Variants in SRFBP1 observed in about 807,000 individuals in gnomAD.
The protein encoded by SRFBP1 is serum response factor-binding protein 1.
Under a neutral mutation model 45.5 loss-of-function variants are expected in SRFBP1, and 47 were observed. The observed-to-expected ratio is 1.03, with a 90% CI of 0.82 to 1.32. The LOEUF is 1.32. Among genes scored for constraint, SRFBP1 ranks in the 40% most tolerant of loss-of-function variants. The pLI, the probability that SRFBP1 is intolerant of heterozygous loss-of-function variation, is 0.00. For synonymous variants in SRFBP1, 203 were observed against 166.3 expected (o/e 1.22, Z -1.70); for missense variants, 621 against 484.6 (o/e 1.28, Z -2.64).
At chr5:122,050,653 G>A (rs550281442) in intron 2 of SRFBP1, among the ~76,000 whole-genome samples, 9 of 151,986 alleles carry the variant, frequency 5.9e-5, no homozygotes, top group African/African-American at 2.2e-4. Flanking sequence ...TTGTTTATTA[G>A]TCCAGCCAGT....
intron 4 of SRFBP1, among the ~76,000 whole-genome samples, chr5:122,011,205 G>A (rs1253319924): frequency 6.6e-6 from 1 of 151,652 alleles, no homozygotes; most frequent in Non-Finnish European, 1.5e-5. Context: ...TTTCATTTTT[G>A]GGTTATTTAC....
Position 121,998,097 on chromosome 5 carries a change from G to A in SRFBP1, c.270+3427G>A, listed in dbSNP as rs532092510. Among the ~76,000 whole-genome samples, 399 of 151,936 alleles carry A rather than the reference G, an allele frequency of 2.6e-3. 1 individual carries two copies. Among genetic ancestry groups the A allele is most frequent in the Admixed American group, 4.7e-3 (72 of 15,268 alleles). ...TAAACTTAGTTCAACCATTGTGGAAGTCAGTGTGGCGATTCCTCAGGGATC... is the reference window on the plus strand; with the variant it reads ...TAAACTTAGTTCAACCATTGTGGAAATCAGTGTGGCGATTCCTCAGGGATC... On this transcript the variant is annotated intron_variant, in intron 4 of 7. Transcript: ENST00000339397.
Position 122,048,710 on chromosome 5 carries a change from C to T in SRFBP1, n.311+26303C>T, listed in dbSNP as rs1448916341. Among the ~76,000 whole-genome samples, 4 of 152,120 alleles carry T rather than the reference C, an allele frequency of 2.6e-5. No individual in the cohort carries two copies. The East Asian group carries it at 7.7e-4, about 29-fold the overall frequency. The stretch of plus-strand genomic sequence containing the variant: ...TTGATTGGTAAGCTATTAATTATTG[C>T]CTCAATTTCAGAGCCTGTTATTGGT... On this transcript the variant is annotated intron_variant and non_coding_transcript_variant, in intron 2 of 2. Transcript: ENST00000504881.
At chr5:122,007,804 G>C (rs1753009330) in intron 4 of SRFBP1, among the ~76,000 whole-genome samples, 1 of 152,052 alleles carries the variant, frequency 6.6e-6, no homozygotes, top group African/African-American at 2.4e-5. Context: ...CTCTGCACGT[G>C]CCTGCCTGGT....
downstream of SRFBP1, chr5:122,078,191 C>A: frequency 2.2e-6 from 1 of 457,138 alleles, no homozygotes; most frequent in South Asian, 6.4e-5. Context: ...GCACCCTTCC[C>A]TTTCCCCTTT....
At chr5:121,967,764 G>C (rs757161302) in intron 1 of SRFBP1, among the ~76,000 whole-genome samples, 26 of 152,276 alleles carry the variant, frequency 1.7e-4, no homozygotes, top group South Asian at 4.1e-4. Context: ...GAGCCCGGGA[G>C]GGGGACGGAG....
chr5:121,992,888 G>A (rs1018971818), intron 3 of SRFBP1, among the ~76,000 whole-genome samples: 2 of 151,848 alleles, frequency 1.3e-5, no homozygotes, highest in African/African-American at 4.8e-5. Context: ...GTAAAACAGT[G>A]AATGAGCTTT....
intron 1 of SRFBP1, among the ~76,000 whole-genome samples, chr5:121,971,153 A>G (rs749881156): frequency 1.3e-5 from 2 of 152,052 alleles, no homozygotes; most frequent in Non-Finnish European, 2.9e-5. Context: ...GAGTTACTTA[A>G]AGGTACGACA....
chr5:122,077,096 C>T, downstream of SRFBP1: 3 of 1,533,122 alleles, frequency 2.0e-6, no homozygotes, highest in Non-Finnish European at 2.6e-6. The surrounding 1 kb of genome is among the most constrained non-coding windows in gnomAD (Gnocchi z 4.9). Context: ...CCTCACCCTT[C>T]GCCCACCGGG....
chr5:122,001,904 A>G (rs1049393001), intron 4 of SRFBP1, among the ~76,000 whole-genome samples: 2 of 152,194 alleles, frequency 1.3e-5, no homozygotes, highest in African/African-American at 4.8e-5. Flanking sequence ...AGTACAAGAA[A>G]ATATAAGAGA....
chr5:122,076,859 C>G (rs1285875894), downstream of SRFBP1: 4 of 1,593,710 alleles, frequency 2.5e-6, no homozygotes, highest in Non-Finnish European at 3.4e-6. Context: ...GAAGGTAGAC[C>G]GGGGAGCGGG....
At chr5:121,999,008 C>T (rs1752797167) in intron 4 of SRFBP1, among the ~76,000 whole-genome samples, 1 of 152,040 alleles carries the variant, frequency 6.6e-6, no homozygotes. Context: ...TTGATTTTTG[C>T]TCCATTCTAC....
chr5:122,070,213 C>G (rs1190356867), intron 2 of SRFBP1: 11 of 1,074,788 alleles, frequency 1.0e-5, no homozygotes, highest in Non-Finnish European at 1.3e-5. Context: ...TTCCATAGGG[C>G]TACAATAAGG....
chr5:122,028,156 T>C lies in SRFBP1; in HGVS notation c.*1030T>C, dbSNP rs890860170. ...TTAAATCCCTTCAAATGTTTCACTT[T>C]TGCTATGCTGGGAAAAATTTTGAAG... On this transcript the variant is annotated 3_prime_UTR_variant, in exon 8 of 8. Transcript: ENST00000339397. 2.6e-5 allele frequency: 4 copies of C among 152,224 alleles called. No homozygotes were observed. The highest frequency in any genetic ancestry group is 5.9e-5 in the Non-Finnish European group (4 of 68,030). 9.4% of individuals were successfully genotyped at this position (152,224 alleles called of 1,614,324 possible). A position where few individuals can be genotyped will look rare whatever the true frequency, so the allele number is the denominator to read the frequency against.
At chr5:121,966,085 G>C (rs533269622) in intron 1 of SRFBP1, among the ~76,000 whole-genome samples, 44 of 152,168 alleles carry the variant, frequency 2.9e-4, no homozygotes, top group Admixed American at 2.3e-3. Flanking sequence ...GGAGATTTGG[G>C]GCTGAAACAA....
At chr5:121,962,132 C>T in intron 1 of SRFBP1, 64 bp downstream of exon 1, 1 of 1,599,292 alleles carries the variant, frequency 6.3e-7, no homozygotes, top group Non-Finnish European at 8.6e-7. Flanking sequence ...TTTTGAGACG[C>T]GTGGTCGGAG....
chr5:121,977,532 G>T (rs1336688921), intron 3 of SRFBP1, among the ~76,000 whole-genome samples: 1 of 151,900 alleles, frequency 6.6e-6, no homozygotes, highest in Non-Finnish European at 1.5e-5. Context: ...TAATTAAAAG[G>T]TCATTTGTAA....
chr5:122,026,954 A>G lies in SRFBP1; in HGVS notation c.1118A>G (p.Asn373Ser), dbSNP rs1753493403. The G allele has an allele frequency of 5.6e-6, 9 of 1,610,540 alleles. No individual in the cohort carries two copies. The highest frequency in any genetic ancestry group is 7.6e-6 in the Non-Finnish European group (9 of 1,178,634). ...PKTRSLDFPQ[N>S]EPQIKNQFNK... ...TTTCTCTTCCTAGATTTTCCACAGA[A>G]TGAGCCTCAGATCAAGAATCAGTTT... The change falls in exon 8 of 8, where the codon AAT becomes AGT. Residue 373 changes from asparagine to serine, a missense_variant. By Grantham distance (46) the Asn-to-Ser change is conservative. Coordinates refer to ENST00000339397, the MANE Select transcript of SRFBP1 (RefSeq NM_152546.3).
At chr5:122,045,352 T>G (rs1753838660) in intron 2 of SRFBP1, among the ~76,000 whole-genome samples, 1 of 152,152 alleles carries the variant, frequency 6.6e-6, no homozygotes, top group South Asian at 2.1e-4. Context: ...TTTTTTGGTT[T>G]CATATGAATT....
Sources: gnomAD v4.1 joint callset for allele counts (sites outside exome capture counted in the v4.1 genomes callset) on GRCh38, gnomAD v4.1.1 for gene constraint, Gnocchi (gnomAD v3.1) non-coding constraint, MANE v1.5 for transcripts, NCBI Gene and HGNC (gene_info 2026-07-23, HGNC 2026-07-21) for gene names.